Variants in RIGI observed in about 807,000 individuals in gnomAD.
RIGI encodes the protein antiviral innate immune response receptor RIG-I.
At chr9:32,470,392 G>A in the RIGI span, among the ~76,000 whole-genome samples, 2 of 152,188 alleles carry the variant, frequency 1.3e-5, no homozygotes, top group Non-Finnish European at 2.9e-5. Flanking sequence ...CATTATAGTT[G>A]GAAAGCAGCC....
chr9:32,485,839 T>C, the RIGI span, among the ~76,000 whole-genome samples: 10 of 151,914 alleles, frequency 6.6e-5, no homozygotes, highest in South Asian at 1.0e-3. Flanking sequence ...GCACCCGGCC[T>C]AACCAGCTTC....
chr9:32,459,541 G>A, the RIGI span: 45 of 1,596,640 alleles, frequency 2.8e-5, no homozygotes, highest in Non-Finnish European at 3.7e-5. Flanking sequence ...GACCGCAAAT[G>A]TAATTTGAGT....
chr9:32,488,086 C>T, the RIGI span: 1 of 1,614,084 alleles, frequency 6.2e-7, no homozygotes, highest in Non-Finnish European at 8.5e-7. Flanking sequence ...GAATCGTTCC[C>T]TTTTTAAGGT....
the RIGI span, among the ~76,000 whole-genome samples, chr9:32,515,619 G>C: frequency 6.6e-6 from 1 of 152,110 alleles, no homozygotes; most frequent in African/African-American, 2.4e-5. Context: ...ATTTTCAAAA[G>C]AACTGCCTAC....
At chr9:32,504,034 T>TA in the RIGI span, among the ~76,000 whole-genome samples, 1 of 40,588 alleles carries the variant, frequency 2.5e-5, no homozygotes, top group African/African-American at 9.3e-5. Context: ...AGAGCAAGAC[T>TA]CCAAACACAC....
the RIGI span, among the ~76,000 whole-genome samples, chr9:32,506,094 C>T: frequency 6.6e-6 from 1 of 151,948 alleles, no homozygotes; most frequent in African/African-American, 2.4e-5. Flanking sequence ...GGCTTGCACC[C>T]GTAATCCCAG....
At chr9:32,493,709 C>G in the RIGI span, 1 of 1,222,140 alleles carries the variant, frequency 8.2e-7, no homozygotes, top group Non-Finnish European at 1.2e-6. Flanking sequence ...AACAGAAGAC[C>G]TTCCCATGTT....
At chr9:32,466,706 AAAAAAAAAAAAG>A in the RIGI span, among the ~76,000 whole-genome samples, 1 of 150,542 alleles carries the variant, frequency 6.6e-6, no homozygotes, top group South Asian at 2.1e-4. Context: ...AAAAAAAAAA[AAAAAAAAAAAAG>A]ACTCAAATGC....
the RIGI span, chr9:32,492,655 G>T: frequency 1.7e-6 from 2 of 1,180,750 alleles, no homozygotes; most frequent in Non-Finnish European, 1.2e-6. Flanking sequence ...GTACATTACA[G>T]CTCAGTGGGT....
At chr9:32,484,238 T>C in the RIGI span, among the ~76,000 whole-genome samples, 1 of 152,146 alleles carries the variant, frequency 6.6e-6, no homozygotes, top group Non-Finnish European at 1.5e-5. Flanking sequence ...TCATGAAGAC[T>C]AACTAGTTCA....
At chr9:32,482,187 T>TTTTG in the RIGI span, among the ~76,000 whole-genome samples, 1 of 144,958 alleles carries the variant, frequency 6.9e-6, no homozygotes, top group Non-Finnish European at 1.5e-5. Flanking sequence ...GTGTGTTTGT[T>TTTTG]TGTGTGTGTG....
At chr9:32,481,299 G>A in the RIGI span, 2 of 1,591,616 alleles carry the variant, frequency 1.3e-6, no homozygotes, top group Non-Finnish European at 8.5e-7. Context: ...CTCCCAGTAG[G>A]TGCTGTGACC....
chr9:32,455,649 A>G, the RIGI span: 1 of 152,146 alleles, frequency 6.6e-6, no homozygotes, highest in Non-Finnish European at 1.5e-5. Flanking sequence ...ATCACATAAG[A>G]AAAGACACTC....
the RIGI span, among the ~76,000 whole-genome samples, chr9:32,515,219 G>A: frequency 3.3e-5 from 5 of 151,016 alleles, no homozygotes; most frequent in African/African-American, 1.2e-4. Context: ...GACCAACATG[G>A]TGAAACCCCA....
At chr9:32,510,124 G>A in the RIGI span, among the ~76,000 whole-genome samples, 6 of 152,274 alleles carry the variant, frequency 3.9e-5, no homozygotes, top group East Asian at 1.9e-4. Context: ...TGGTGTACCC[G>A]AAAGTGACGG....
the RIGI span, among the ~76,000 whole-genome samples, chr9:32,521,139 C>CAAAAAAAAAAAAAAA: frequency 0.02 from 671 of 32,752 alleles, 166 homozygotes; most frequent in Middle Eastern, 0.036. Context: ...GACACCATCT[C>CAAAAAAAAAAAAAAA]AAAAAAAAAA....
chr9:32,460,001 C>A, the RIGI span, among the ~76,000 whole-genome samples: 1 of 152,156 alleles, frequency 6.6e-6, no homozygotes, highest in Non-Finnish European at 1.5e-5. Flanking sequence ...TAACAGAATT[C>A]CCACGTGTTA....
the RIGI span, among the ~76,000 whole-genome samples, chr9:32,507,068 A>T: frequency 1.3e-5 from 2 of 152,184 alleles, no homozygotes; most frequent in Admixed American, 1.3e-4. Flanking sequence ...TAAACCTATG[A>T]TTAATTTCTG....
chr9:32,459,565 C>G, the RIGI span: 2 of 1,561,920 alleles, frequency 1.3e-6, no homozygotes. Flanking sequence ...ACATATATAG[C>G]AAGAAACAGG....
Sources: gnomAD v4.1 joint callset for allele counts (sites outside exome capture counted in the v4.1 genomes callset) on GRCh38, gnomAD v4.1.1 for gene constraint, MANE v1.5 for transcripts, NCBI Gene and HGNC (gene_info 2026-07-23, HGNC 2026-07-21) for gene names.